Variants in PARVB observed in about 807,000 individuals in gnomAD.
The protein encoded by PARVB is parvin beta.
Under a neutral mutation model 47.0 loss-of-function variants are expected in PARVB, and 46 were observed. The observed-to-expected ratio is 0.98, with a 90% CI of 0.77 to 1.25. PARVB has a LOEUF of 1.25. PARVB is among the 50% of genes most tolerant of loss of function. The pLI is 0.00. For synonymous variants in PARVB, 196 were observed against 196.3 expected, an observed-to-expected ratio of 1.00 and a Z score of 0.01; for missense variants, 473 against 471.6, an observed-to-expected ratio of 1.00 and a Z score of -0.03.
chr22:44,123,946 G>A (rs572581278), intron 4 of PARVB, among the ~76,000 whole-genome samples: 1 of 152,378 alleles, frequency 6.6e-6, no homozygotes, highest in East Asian at 1.9e-4. Context: ...ATAAGCAGGA[G>A]TTGTTATTGC....
intron 4 of PARVB, among the ~76,000 whole-genome samples, chr22:44,129,135 G>T (rs944489680): frequency 6.6e-6 from 1 of 152,212 alleles, no homozygotes; most frequent in East Asian, 1.9e-4. Flanking sequence ...ATACGAGTGG[G>T]TGGGCCCTAA....
chr22:44,006,073 G>A (rs919044525), intron 2 of PARVB, among the ~76,000 whole-genome samples: 8 of 152,152 alleles, frequency 5.3e-5, no homozygotes, highest in African/African-American at 9.7e-5. Context: ...CTCTGGAATA[G>A]CTGGGACCAC....
At chr22:44,076,845 G>C (rs2051785165) in intron 1 of PARVB, among the ~76,000 whole-genome samples, 1 of 152,096 alleles carries the variant, frequency 6.6e-6, no homozygotes, top group Non-Finnish European at 1.5e-5. Flanking sequence ...CTGGGGGCTG[G>C]GGCTGGGTCC....
intron 1 of PARVB, among the ~76,000 whole-genome samples, chr22:44,043,347 CTAA>C (rs1173343695): frequency 1.3e-5 from 2 of 152,192 alleles, no homozygotes; most frequent in African/African-American, 2.4e-5. Context: ...TGTGAATTTA[CTAA>C]AAATCATTGA....
chr22:44,087,846 G>GTTT (rs57893038), intron 1 of PARVB, among the ~76,000 whole-genome samples: 14,339 of 121,082 alleles, frequency 0.12, 1,091 homozygotes, highest in African/African-American at 0.26. Flanking sequence ...GAACGATGGT[G>GTTT]TTTTTTTTTT....
upstream of PARVB, among the ~76,000 whole-genome samples, chr22:44,020,841 C>T (rs888175959): frequency 1.3e-5 from 2 of 151,688 alleles, no homozygotes; most frequent in Non-Finnish European, 2.9e-5. Context: ...AGTGCAGTGG[C>T]GTGATCTCGG....
chr22:44,008,938 G>T (rs541330517), intron 2 of PARVB, among the ~76,000 whole-genome samples: 1 of 152,064 alleles, frequency 6.6e-6, no homozygotes, highest in African/African-American at 2.4e-5. Flanking sequence ...GCAGTGAGCC[G>T]AGATCGCACC....
chr22:44,092,910 A>G (rs914441433), intron 1 of PARVB, among the ~76,000 whole-genome samples: 1 of 152,190 alleles, frequency 6.6e-6, no homozygotes, highest in African/African-American at 2.4e-5. Context: ...TAAAAGAGGA[A>G]ATACCATTTT....
At chr22:44,128,243 T>A (rs35923215) in intron 4 of PARVB, among the ~76,000 whole-genome samples, 32,248 of 152,180 alleles carry the variant, frequency 0.21, 3,782 homozygotes, top group Non-Finnish European at 0.24. Context: ...CTCCTGGCTG[T>A]CGTCCTGCTG....
At chr22:44,118,131 A>G (rs555634309) in intron 3 of PARVB, among the ~76,000 whole-genome samples, 3 of 152,200 alleles carry the variant, frequency 2.0e-5, no homozygotes, top group Non-Finnish European at 4.4e-5. Context: ...CACCACTCAC[A>G]ATACCTAAAA....
chr22:44,082,401 C>T (rs1601575031), intron 1 of PARVB, among the ~76,000 whole-genome samples: 1 of 152,088 alleles, frequency 6.6e-6, no homozygotes, highest in African/African-American at 2.4e-5. Flanking sequence ...CACTTGTAAT[C>T]CCAGCTACTC....
At chr22:44,040,093 A>T (rs2050991763) in intron 1 of PARVB, 1 of 254,840 alleles carries the variant, frequency 3.9e-6, no homozygotes, top group Admixed American at 5.4e-5. Context: ...TGTTGTTATG[A>T]AAATATTCTT....
intron 2 of PARVB, among the ~76,000 whole-genome samples, chr22:44,007,942 A>G (rs1361783013): frequency 1.3e-5 from 2 of 152,162 alleles, no homozygotes; most frequent in African/African-American, 2.4e-5. Context: ...TGTGACTGGC[A>G]TATCACACTA....
intron 1 of PARVB, among the ~76,000 whole-genome samples, chr22:44,063,259 G>T (rs2051453850): frequency 1.3e-5 from 2 of 151,210 alleles, no homozygotes; most frequent in South Asian, 4.2e-4. Flanking sequence ...TGGAGTCTCG[G>T]TCTGTCACCC....
At chr22:44,167,127 C>T (rs2054185614) in intron 12 of PARVB, among the ~76,000 whole-genome samples, 1 of 151,990 alleles carries the variant, frequency 6.6e-6, no homozygotes, top group Admixed American at 6.5e-5. Flanking sequence ...GCATCCTGGC[C>T]CCCTGCCCCC....
At chr22:44,076,856 T>C (rs1008216042) in intron 1 of PARVB, among the ~76,000 whole-genome samples, 24 of 152,186 alleles carry the variant, frequency 1.6e-4, no homozygotes, top group African/African-American at 4.6e-4. Flanking sequence ...GGCTGGGTCC[T>C]GTGCCCCCTC....
chr22:44,099,501 T>G (rs549786062), intron 2 of PARVB, among the ~76,000 whole-genome samples: 45 of 151,396 alleles, frequency 3.0e-4, no homozygotes, highest in African/African-American at 9.7e-4. Context: ...CTGAACACGT[T>G]TTGCTGTTAC....
In PARVB at chr22:44,171,909, G is replaced by A. The variant is rs1360685007; in HGVS notation, c.*3231G>A. On this transcript the variant is annotated 3_prime_UTR_variant, in exon 13 of 13. Transcript: ENST00000338758. ...ACAGACACACACATAGCAGACTACA[G>A]ACTACAGCCTTGAACTCCTGGGCTC... 6.7e-6 allele frequency: 1 copy of A among 148,182 alleles called. No homozygotes were observed. The highest frequency in any genetic ancestry group is 1.5e-5 in the Non-Finnish European group (1 of 67,740). 9.2% of individuals were successfully genotyped at this position (148,182 alleles called of 1,614,324 possible).
At chr22:44,004,540 T>C (rs2146844302) in intron 2 of PARVB, among the ~76,000 whole-genome samples, 1 of 152,330 alleles carries the variant, frequency 6.6e-6, no homozygotes, top group African/African-American at 2.4e-5. Flanking sequence ...CTCCCTAGCA[T>C]GGCTGCAGGG....
Sources: allele counts gnomAD v4.1 joint callset (sites outside exome capture counted in the v4.1 genomes callset), GRCh38; gene constraint gnomAD v4.1.1; transcripts MANE v1.5; gene names NCBI Gene and HGNC (gene_info 2026-07-23, HGNC 2026-07-21).